NINJ2: variants seen among roughly 807,000 people sequenced by gnomAD.
NINJ2 encodes ninjurin-2.
In NINJ2, 12 loss-of-function variants were observed where a neutral mutation model predicts 11.7. That is an observed-to-expected ratio of 1.02 (90% confidence interval 0.66 to 1.66). The LOEUF (loss-of-function observed/expected upper bound fraction) is 1.66, where lower values mean the gene tolerates loss of function less well. NINJ2 is among the 40% of genes most tolerant of loss of function. The pLI, the probability that NINJ2 is intolerant of heterozygous loss-of-function variation, is 0.00. For missense variants in NINJ2, 187 were observed against 181.8 expected, an observed-to-expected ratio of 1.03 and a Z score of -0.16; for synonymous variants, 93 against 76.8, an observed-to-expected ratio of 1.21 and a Z score of -1.10.
At chr12:615,537 G>A (rs552116947) in intron 1 of NINJ2, among the ~76,000 whole-genome samples, 2 of 151,620 alleles carry the variant, frequency 1.3e-5, no homozygotes, top group South Asian at 2.1e-4. Context: ...GCAGTGAGCC[G>A]AGATCACACC....
At chr12:620,597 G>A in intron 1 of NINJ2, among the ~76,000 whole-genome samples, 1 of 151,546 alleles carries the variant, frequency 6.6e-6, no homozygotes, top group East Asian at 1.9e-4. Context: ...TTACTTGGAA[G>A]GATCCAAAAG....
intron 2 of NINJ2, 28 bp from the exon 3 acceptor site, chr12:565,429 G>C (rs1162600403): frequency 2.5e-6 from 4 of 1,608,396 alleles, no homozygotes; most frequent in Non-Finnish European, 2.5e-6. Flanking sequence ...GGGGGGAAAG[G>C]GTCAGAGACG....
chr12:605,871 T>G (rs930319760), intron 1 of NINJ2, among the ~76,000 whole-genome samples: 2 of 152,102 alleles, frequency 1.3e-5, no homozygotes, highest in Non-Finnish European at 2.9e-5. Flanking sequence ...CTGTTTAATA[T>G]ACACAGAAAG....
intron 1 of NINJ2, chr12:643,774 T>TGGAAGAGTAGACTGA: frequency 1.4e-6 from 1 of 713,066 alleles, no homozygotes. Context: ...GTCAGTCTAC[T>TGGAAGAGTAGACTGA]CTTCCAGTAG....
rs538346779 is a variant in NINJ2 at position 573,174 on chromosome 12, C to T, written c.34-6996G>A. On this transcript the variant is annotated intron_variant, in intron 1 of 3. Transcript: ENST00000305108. ...CCGAGTAGCTGGGACTACAGGCGCC[C>T]GCCACCACACCCAGCTAATTTTTCT... 2.2e-3 allele frequency among the ~76,000 whole-genome samples: 332 copies of T among 150,782 alleles called. 1 individual carries two copies. Among genetic ancestry groups the T allele is most frequent in the Non-Finnish European group, 3.8e-3 (260 of 67,598 alleles).
intron 1 of NINJ2, among the ~76,000 whole-genome samples, chr12:632,904 G>A (rs1206715892): frequency 6.6e-6 from 1 of 152,196 alleles, no homozygotes; most frequent in African/African-American, 2.4e-5. Context: ...GCCGGGGAGG[G>A]TGCCAGCCCA....
chr12:618,633 C>G (rs1385206325), intron 1 of NINJ2, among the ~76,000 whole-genome samples: 2 of 152,194 alleles, frequency 1.3e-5, no homozygotes, highest in South Asian at 4.1e-4. Flanking sequence ...GGCCCAGGGC[C>G]CTCTCAGTCA....
intron 1 of NINJ2, among the ~76,000 whole-genome samples, chr12:571,565 A>T (rs1444153073): frequency 6.6e-6 from 1 of 152,226 alleles, no homozygotes; most frequent in East Asian, 1.9e-4. Context: ...CTTCCCTGTC[A>T]CCTAGGCCTC....
intron 1 of NINJ2, among the ~76,000 whole-genome samples, chr12:574,774 C>T (rs1441468714): frequency 6.6e-6 from 1 of 151,994 alleles, no homozygotes; most frequent in Non-Finnish European, 1.5e-5. Context: ...CCAAGACATA[C>T]CCCCAGAAGG....
intron 1 of NINJ2, among the ~76,000 whole-genome samples, chr12:576,949 C>T (rs1038346715): frequency 9.2e-5 from 14 of 152,168 alleles, no homozygotes; most frequent in Admixed American, 2.0e-4. Flanking sequence ...AAAGCCCTCC[C>T]AGCCGATCTC....
In NINJ2 at chr12:628,016, C is replaced by A. The variant is rs1253554974; in HGVS notation, c.33+35312G>T. ...TCCCTGCCGCATCCTCCCCGCCCTGCCCCCGGCTCCTCTTTCACACCCTGT... is the reference window on the plus strand; with the variant it reads ...TCCCTGCCGCATCCTCCCCGCCCTGACCCCGGCTCCTCTTTCACACCCTGT... On this transcript the variant is annotated intron_variant, in intron 1 of 3. Coordinates refer to ENST00000305108, the MANE Select transcript of NINJ2 (RefSeq NM_016533.6). This position sits in a 1 kb window ranked among gnomAD's most constrained non-coding sequence, Gnocchi z 4.4. Among the ~76,000 whole-genome samples, 1 of 152,230 alleles carries A rather than the reference C, an allele frequency of 6.6e-6. No homozygotes were observed. The highest frequency in any genetic ancestry group is 6.5e-5 in the Admixed American group (1 of 15,290).
At chr12:592,793 G>A (rs923056562) in intron 1 of NINJ2, among the ~76,000 whole-genome samples, 1 of 152,208 alleles carries the variant, frequency 6.6e-6, no homozygotes, top group Non-Finnish European at 1.5e-5. Flanking sequence ...GCTCTGTTCA[G>A]GGATAAATAC....
At chr12:643,747 CT>C in intron 1 of NINJ2, 1 of 882,412 alleles carries the variant, frequency 1.1e-6, no homozygotes, top group Non-Finnish European at 1.4e-6. Context: ...TCGCTCCCCC[CT>C]CACATCATGG....
intron 1 of NINJ2, among the ~76,000 whole-genome samples, chr12:660,126 AAG>A (rs1937937877): frequency 7.1e-6 from 1 of 140,814 alleles, no homozygotes; most frequent in Non-Finnish European, 1.5e-5. Flanking sequence ...TCACTAAAAA[AAG>A]AAAAAAAAAA....
chr12:637,177 C>T (rs563976167), intron 1 of NINJ2, among the ~76,000 whole-genome samples: 110 of 151,662 alleles, frequency 7.3e-4, no homozygotes, highest in African/African-American at 2.6e-3. Context: ...GGTAAAACCC[C>T]GTCTCTACTA....
intron 1 of NINJ2, among the ~76,000 whole-genome samples, chr12:605,492 C>T (rs555741129): frequency 1.3e-5 from 2 of 152,294 alleles, no homozygotes; most frequent in East Asian, 1.9e-4. Context: ...CCCAGGAGTT[C>T]GAAGCTGCAG....
intron 1 of NINJ2, among the ~76,000 whole-genome samples, chr12:584,786 A>G (rs1020032470): frequency 6.6e-6 from 1 of 151,408 alleles, no homozygotes; most frequent in Non-Finnish European, 1.5e-5. Flanking sequence ...AGACTGGGGG[A>G]TGGAGTGAGA....
At chr12:653,021 T>TC (rs1177318627) in intron 1 of NINJ2, among the ~76,000 whole-genome samples, 10 of 138,386 alleles carry the variant, frequency 7.2e-5, no homozygotes, top group Admixed American at 1.4e-4. Context: ...TTTGTTTCTT[T>TC]TTTTTTTTTT....
At chr12:575,342 T>G (rs1051186776) in intron 1 of NINJ2, among the ~76,000 whole-genome samples, 1 of 152,142 alleles carries the variant, frequency 6.6e-6, no homozygotes, top group Non-Finnish European at 1.5e-5. Context: ...CCCTGTGCCC[T>G]GTGCCAGGCT....
Sources: gnomAD v4.1 joint callset for allele counts (sites outside exome capture counted in the v4.1 genomes callset) on GRCh38, gnomAD v4.1.1 for gene constraint, Gnocchi (gnomAD v3.1) non-coding constraint, MANE v1.5 for transcripts, NCBI Gene and HGNC (gene_info 2026-07-23, HGNC 2026-07-21) for gene names.